HSF2BP: variants seen among roughly 807,000 people sequenced by gnomAD.
HSF2BP encodes the protein heat shock factor 2-binding protein.
HSF2BP carries 35 observed loss-of-function variants against 35.0 expected under a neutral mutation model. The observed-to-expected ratio is 1.00, with a 90% confidence interval of 0.76 to 1.32. The LOEUF (loss-of-function observed/expected upper bound fraction) is 1.32. Among genes scored for constraint, HSF2BP ranks in the 40% most tolerant of loss-of-function variants. The pLI is 0.00. For synonymous variants in HSF2BP, 114 were observed against 117.4 expected (o/e 0.97, Z 0.18); for missense variants, 326 against 321.7 (o/e 1.01, Z -0.10).
At chr21:43,584,979 G>A (rs970908956) in intron 8 of HSF2BP, among the ~76,000 whole-genome samples, 1 of 144,960 alleles carries the variant, frequency 6.9e-6, no homozygotes, top group Non-Finnish European at 1.5e-5. Context: ...TCATGCTCTA[G>A]GTATAATTTT....
intron 5 of HSF2BP, among the ~76,000 whole-genome samples, chr21:43,632,385 CCACA>C (rs1239990879): frequency 1.1e-5 from 1 of 90,924 alleles, no homozygotes; most frequent in Non-Finnish European, 2.2e-5. Flanking sequence ...CGCTCCCCCC[CCACA>C]CACACACACT....
intron 7 of HSF2BP, among the ~76,000 whole-genome samples, chr21:43,607,227 C>A (rs2082145886): frequency 6.6e-6 from 1 of 151,368 alleles, no homozygotes; most frequent in Admixed American, 6.6e-5. Flanking sequence ...CAGGTCGAGG[C>A]TGCAGTGAGC....
chr21:43,656,542 A>C, intron 3 of HSF2BP, 45 bp downstream of exon 3: 1 of 1,568,868 alleles, frequency 6.4e-7, no homozygotes. Flanking sequence ...ATCTGCTAGA[A>C]CAAATTACTG....
chr21:43,592,764 C>G (rs535941323), intron 7 of HSF2BP, among the ~76,000 whole-genome samples: 1 of 152,296 alleles, frequency 6.6e-6, no homozygotes, highest in Admixed American at 6.5e-5. Context: ...GTAGCCAGGT[C>G]AGGCCACAGG....
intron 8 of HSF2BP, among the ~76,000 whole-genome samples, chr21:43,591,091 TA>T (rs2081920457): frequency 1.3e-5 from 2 of 152,194 alleles, no homozygotes; most frequent in African/African-American, 4.8e-5. Flanking sequence ...ATTTGAATCA[TA>T]AAAAAATAAG....
chr21:43,642,089 G>A (rs890397711), intron 4 of HSF2BP, among the ~76,000 whole-genome samples: 1 of 152,084 alleles, frequency 6.6e-6, no homozygotes, highest in African/African-American at 2.4e-5. Context: ...TTGAGCCCAG[G>A]AGTTGAAGAC....
At chr21:43,645,311 G>A (rs1011668448) in intron 3 of HSF2BP, among the ~76,000 whole-genome samples, 1 of 152,120 alleles carries the variant, frequency 6.6e-6, no homozygotes, top group Non-Finnish European at 1.5e-5. Context: ...TTCCAATTTG[G>A]AACGTCTGGG....
chr21:43,600,826 T>C (rs2082042798), intron 7 of HSF2BP, among the ~76,000 whole-genome samples: 2 of 152,102 alleles, frequency 1.3e-5, no homozygotes, highest in South Asian at 2.1e-4. Context: ...TTCAGGGAGG[T>C]GTAACCACAG....
intron 6 of HSF2BP, among the ~76,000 whole-genome samples, chr21:43,618,538 T>C (rs2082295968): frequency 6.6e-6 from 1 of 152,070 alleles, no homozygotes; most frequent in African/African-American, 2.4e-5. Context: ...TTTGAACAAA[T>C]GGTGCTAAAA....
chr21:43,592,159 C>T (rs2081933664), intron 8 of HSF2BP, 66 bp downstream of exon 8: 3 of 1,028,472 alleles, frequency 2.9e-6, no homozygotes, highest in Admixed American at 1.7e-5. Context: ...AACGTATGCC[C>T]CGTGGATAAG....
chr21:43,611,119 A>G (rs1406291591), intron 7 of HSF2BP, among the ~76,000 whole-genome samples: 3 of 152,176 alleles, frequency 2.0e-5, no homozygotes, highest in Non-Finnish European at 2.9e-5. Context: ...GGTGGCATGC[A>G]CTGACGGTCC....
intron 7 of HSF2BP, among the ~76,000 whole-genome samples, chr21:43,594,396 A>G (rs1428076409): frequency 6.6e-6 from 1 of 152,222 alleles, no homozygotes; most frequent in Non-Finnish European, 1.5e-5. Flanking sequence ...TTTTCAACAG[A>G]GCTAAGATAC....
At chr21:43,619,358 G>C (rs2082306748) in intron 6 of HSF2BP, among the ~76,000 whole-genome samples, 1 of 152,120 alleles carries the variant, frequency 6.6e-6, no homozygotes, top group Non-Finnish European at 1.5e-5. Flanking sequence ...TAAAATATGG[G>C]CAACAAGGAG....
chr21:43,658,913 G>T (rs930672216), intron 1 of HSF2BP, among the ~76,000 whole-genome samples: 2 of 152,154 alleles, frequency 1.3e-5, no homozygotes, highest in African/African-American at 4.8e-5. Context: ...ACTCCACCCG[G>T]GGGCCCGGGG....
intron 3 of HSF2BP, 102 bp from the exon 4 acceptor site, chr21:43,644,494 T>C (rs1321618018): frequency 1.1e-5 from 9 of 810,286 alleles, no homozygotes; most frequent in Middle Eastern, 2.9e-4. Flanking sequence ...TGTACTGATT[T>C]CTTAGGTGAG....
chr21:43,496,164 A>G, the HSF2BP span, among the ~76,000 whole-genome samples: 2 of 130,776 alleles, frequency 1.5e-5, 1 homozygote, highest in African/African-American at 5.6e-5. Context: ...ACACACACAC[A>G]CACATCTGCT....
At chr21:43,657,919 C>T (rs968880429) in intron 2 of HSF2BP, 142 bp downstream of exon 2, 9 of 1,467,652 alleles carry the variant, frequency 6.1e-6, no homozygotes, top group Non-Finnish European at 7.2e-6. Flanking sequence ...CGGCCCAGCC[C>T]ACGCCGTTAG....
At chr21:43,652,119 T>C (rs772566032) in intron 3 of HSF2BP, among the ~76,000 whole-genome samples, 20 of 152,050 alleles carry the variant, frequency 1.3e-4, no homozygotes, top group Non-Finnish European at 2.8e-4. Context: ...CTGCTTAAGA[T>C]TGGAAGCACA....
rs757959221 is a variant in HSF2BP, at chr21:43,644,304, G to GT, written c.275dup (p.Asn92LysfsTer17). On this transcript the variant is annotated frameshift_variant, in exon 4 of 9. Transcript: ENST00000291560. LOFTEE classifies it high-confidence loss of function. ...AGCATGGTACCTTCTTCTCTCTTAT[G>GT]TTGTCGGCCTGCACGGTTTCCAGGC... is the stretch of plus-strand genomic sequence containing the variant. The GT allele has an allele frequency of 5.0e-6, 8 of 1,613,658 alleles. No homozygotes were observed. In the Admixed American group the frequency reaches 1.3e-4, roughly 27 times the overall value.
Sources: allele counts gnomAD v4.1 joint callset (sites outside exome capture counted in the v4.1 genomes callset), GRCh38; gene constraint gnomAD v4.1.1; transcripts MANE v1.5; gene names NCBI Gene and HGNC (gene_info 2026-07-23, HGNC 2026-07-21).